DENND1A: variants seen among roughly 807,000 people sequenced by gnomAD.
The protein encoded by DENND1A is DENN domain containing 1A, also known as DENN domain-containing protein 1A.
Under a neutral mutation model 113.7 loss-of-function variants are expected in DENND1A, and 51 were observed. That is an observed-to-expected ratio of 0.45 (90% CI 0.36 to 0.57). The LOEUF is 0.57. Ranked by LOEUF, DENND1A falls within the 20% of genes least tolerant of loss-of-function variation. The pLI, the probability that DENND1A is intolerant of heterozygous loss-of-function variation, is 0.00. For synonymous variants in DENND1A, 565 were observed against 570.8 expected (o/e 0.99, Z 0.14); for missense variants, 1,258 against 1,395.9 (o/e 0.90, Z 1.57).
chr9:123,753,346 A>G (rs975680087), intron 5 of DENND1A, among the ~76,000 whole-genome samples: 2 of 152,250 alleles, frequency 1.3e-5, no homozygotes, highest in Admixed American at 6.5e-5. Context: ...AAGGAACCTA[A>G]TAAGTAGGTT....
intron 3 of DENND1A, among the ~76,000 whole-genome samples, chr9:123,774,922 A>ACC (rs1380818739): frequency 6.6e-6 from 1 of 152,156 alleles, no homozygotes; most frequent in Non-Finnish European, 1.5e-5. Flanking sequence ...AGTGAAAGAG[A>ACC]CCCCTCTGAA....
chr9:123,391,379 A>G (rs147153050), intron 21 of DENND1A, among the ~76,000 whole-genome samples: 163 of 152,336 alleles, frequency 1.1e-3, no homozygotes, highest in African/African-American at 3.7e-3. Flanking sequence ...CCTTGGGCGA[A>G]ATGCTGTCCA....
chr9:123,847,418 C>T (rs528573201), intron 2 of DENND1A, among the ~76,000 whole-genome samples: 1 of 151,972 alleles, frequency 6.6e-6, no homozygotes, highest in Admixed American at 6.5e-5. Flanking sequence ...TATATCATTG[C>T]TAAACTAGAA....
intron 9 of DENND1A, among the ~76,000 whole-genome samples, chr9:123,647,475 C>T (rs1367478566): frequency 2.6e-5 from 4 of 152,218 alleles, no homozygotes; most frequent in Admixed American, 1.3e-4. Flanking sequence ...TGGCTTAAGA[C>T]AGAAAGCAAA....
At chr9:123,410,945 T>C (rs1031217682) in intron 20 of DENND1A, among the ~76,000 whole-genome samples, 2 of 151,608 alleles carry the variant, frequency 1.3e-5, no homozygotes, top group African/African-American at 2.4e-5. Context: ...GAGTCTGACC[T>C]ACCAAGGAAA....
rs1048591265 is a variant in DENND1A, at chr9:123,411,973, C to T, written c.1489-144G>A. 7 of 284,622 alleles carry T rather than the reference C, an allele frequency of 2.5e-5. No individual in the cohort carries two copies. In the Admixed American group the frequency reaches 3.9e-4, roughly 16 times the overall value. 17.6% of individuals were successfully genotyped at this position (284,622 alleles called of 1,614,324 possible). The stretch of plus-strand genomic sequence containing the variant: ...ACGCCTCCTGCCTCGCCCCCACTGT[C>T]CACCTTTTGAGGCCGTCTCCTCTGC... On this transcript the variant is annotated intron_variant, in intron 19 of 23. Coordinates refer to ENST00000394215, the MANE Select transcript of DENND1A (RefSeq NM_001352964.2).
chr9:123,628,039 T>C (rs978876072), intron 10 of DENND1A, among the ~76,000 whole-genome samples: 5 of 152,106 alleles, frequency 3.3e-5, no homozygotes, highest in African/African-American at 4.8e-5. Flanking sequence ...TGCTCTAAGC[T>C]ACACAGCCAG....
intron 1 of DENND1A, among the ~76,000 whole-genome samples, chr9:123,900,323 G>A (rs922846656): frequency 6.6e-6 from 1 of 152,196 alleles, no homozygotes; most frequent in Non-Finnish European, 1.5e-5. Context: ...GTACCGTTAT[G>A]TGCCACATAC....
At chr9:123,401,805 G>A (rs775063333) in intron 21 of DENND1A, 22 of 1,614,102 alleles carry the variant, frequency 1.4e-5, no homozygotes, top group East Asian at 1.1e-4. Context: ...AAGCAACGGC[G>A]TAAGTCAATG....
chr9:123,516,141 CACACACACACACACA>C (rs1288246522), intron 13 of DENND1A, among the ~76,000 whole-genome samples: 96 of 143,988 alleles, frequency 6.7e-4, no homozygotes, highest in African/African-American at 2.6e-3. Flanking sequence ...CACACACACA[CACACACACACACACA>C]AAGGTTGGGG....
chr9:123,619,826 G>A (rs1281583743), intron 10 of DENND1A, among the ~76,000 whole-genome samples: 1 of 152,184 alleles, frequency 6.6e-6, no homozygotes, highest in Non-Finnish European at 1.5e-5. Context: ...AGAGTCTTCA[G>A]TATAGAGATC....
chr9:123,606,032 C>A (rs555024279), intron 11 of DENND1A, among the ~76,000 whole-genome samples: 1 of 152,150 alleles, frequency 6.6e-6, no homozygotes, highest in African/African-American at 2.4e-5. Flanking sequence ...GAGCACCTTC[C>A]GTAAACGGCT....
At chr9:123,780,018 T>C (rs1484437592) in intron 3 of DENND1A, among the ~76,000 whole-genome samples, 1 of 152,008 alleles carries the variant, frequency 6.6e-6, no homozygotes, top group Non-Finnish European at 1.5e-5. Flanking sequence ...CCACGCCAGC[T>C]AATTTTTGTA....
intron 10 of DENND1A, among the ~76,000 whole-genome samples, chr9:123,615,716 T>C (rs759417812): frequency 2.2e-4 from 33 of 152,204 alleles, no homozygotes; most frequent in Admixed American, 5.9e-4. Context: ...CCATTTGGCA[T>C]AAAGCATGTG....
chr9:123,428,640 T>C (rs548554424), intron 19 of DENND1A, among the ~76,000 whole-genome samples: 4 of 152,334 alleles, frequency 2.6e-5, no homozygotes, highest in Non-Finnish European at 5.9e-5. Flanking sequence ...CATGATCCTA[T>C]ATATAGAAAA....
chr9:123,628,836 T>G (rs1341386797), intron 10 of DENND1A, among the ~76,000 whole-genome samples: 1 of 152,174 alleles, frequency 6.6e-6, no homozygotes, highest in East Asian at 1.9e-4. Context: ...CTCCACATGG[T>G]AGAAAACATA....
intron 19 of DENND1A, among the ~76,000 whole-genome samples, chr9:123,417,861 C>G (rs1212062264): frequency 1.3e-5 from 2 of 150,990 alleles, no homozygotes; most frequent in East Asian, 1.9e-4. Context: ...GCATGGGGTA[C>G]ACAGGAAGGT....
At chr9:123,657,911 G>A (rs1012127655) in intron 8 of DENND1A, among the ~76,000 whole-genome samples, 4 of 152,108 alleles carry the variant, frequency 2.6e-5, no homozygotes, top group African/African-American at 4.8e-5. Context: ...AGAAAGGAAA[G>A]CAGAGTTTAC....
At position 123,533,851 on chromosome 9, in the gene DENND1A, C is replaced by A. The variant is rs2055525474; in HGVS notation, c.993+23719G>T. 2.6e-5 allele frequency among the ~76,000 whole-genome samples: 4 copies of A among 152,194 alleles called. No individual in the cohort carries two copies. In the South Asian group the frequency reaches 8.3e-4, roughly 32 times the overall value. On this transcript the variant is annotated intron_variant, in intron 13 of 23. Coordinates refer to ENST00000394215, the MANE Select transcript of DENND1A (RefSeq NM_001352964.2). Reference sequence around the variant, plus strand: ...GTACATTCAAGCTGAACCACTCCCTCTCCTCCACGGCCACTGTGGAAACCC... The same window carrying A: ...GTACATTCAAGCTGAACCACTCCCTATCCTCCACGGCCACTGTGGAAACCC...
Sources: allele counts gnomAD v4.1 joint callset (sites outside exome capture counted in the v4.1 genomes callset), GRCh38; gene constraint gnomAD v4.1.1; transcripts MANE v1.5; gene names NCBI Gene and HGNC (gene_info 2026-07-23, HGNC 2026-07-21).